Variants in RIMS2 observed in about 807,000 individuals in gnomAD.
RIMS2 encodes regulating synaptic membrane exocytosis 2.
Under a neutral mutation model 174.4 loss-of-function variants are expected in RIMS2, and 59 were observed. The observed-to-expected ratio is 0.34, with a 90% confidence interval of 0.27 to 0.42. The LOEUF is 0.42. Ranked by LOEUF, RIMS2 falls within the 10% of genes least tolerant of loss-of-function variation. RIMS2 has a pLI of 1.00. For synonymous variants in RIMS2, 606 were observed against 572.5 expected (o/e 1.06, Z -0.84); for missense variants, 1,620 against 1,666.3 (o/e 0.97, Z 0.48).
At chr8:104,182,381 T>C (rs1280712021) in intron 19 of RIMS2, among the ~76,000 whole-genome samples, 1 of 151,828 alleles carries the variant, frequency 6.6e-6, no homozygotes, top group Non-Finnish European at 1.5e-5. Context: ...TTTATTGAGA[T>C]TCATACAGCA....
chr8:103,868,845 T>A (rs891435033), intron 3 of RIMS2, among the ~76,000 whole-genome samples: 1 of 152,104 alleles, frequency 6.6e-6, no homozygotes, highest in African/African-American at 2.4e-5. Flanking sequence ...ACAAATGTAG[T>A]CCTATAGTGG....
At position 104,060,168 on chromosome 8, in the gene RIMS2, T is replaced by C. The variant is rs1260849523; in HGVS notation, c.3334+45553T>C. Among the ~76,000 whole-genome samples, 12 of 151,878 alleles carry C rather than the reference T, an allele frequency of 7.9e-5. No individual in the cohort carries two copies. The South Asian group carries it at 1.5e-3, about 19-fold the overall frequency. On this transcript the variant is annotated intron_variant, in intron 19 of 23. Coordinates refer to ENST00000504942, the Ensembl canonical transcript of RIMS2. ...TGGTATCAGTTCCTCCTTGTACCTC[T>C]GGTAGAATTCGGCTGTGAATCCATC...
intron 19 of RIMS2, among the ~76,000 whole-genome samples, chr8:104,134,441 G>A (rs2098501654): frequency 6.6e-6 from 1 of 152,212 alleles, no homozygotes; most frequent in African/African-American, 2.4e-5. Flanking sequence ...CTCCAGCCAG[G>A]GTGACAGAGC....
chr8:104,237,622 G>A (rs2099265393), intron 19 of RIMS2, among the ~76,000 whole-genome samples: 1 of 152,080 alleles, frequency 6.6e-6, no homozygotes, highest in Non-Finnish European at 1.5e-5. Context: ...GTAGCTACTA[G>A]ATATGTAACT....
chr8:104,209,847 G>C (rs1455156451), intron 19 of RIMS2, among the ~76,000 whole-genome samples: 1 of 152,146 alleles, frequency 6.6e-6, no homozygotes, highest in African/African-American at 2.4e-5. Flanking sequence ...AGTTAGACTT[G>C]AGTAGTAGAA....
chr8:103,552,041 C>CTTGTAT (rs1848187283), intron 1 of RIMS2, among the ~76,000 whole-genome samples: 1 of 152,016 alleles, frequency 6.6e-6, no homozygotes, highest in Non-Finnish European at 1.5e-5. Flanking sequence ...GTAATTTATA[C>CTTGTAT]ATTCAGTGGT....
At chr8:103,814,898 G>A (rs2098709752) in intron 3 of RIMS2, among the ~76,000 whole-genome samples, 1 of 152,092 alleles carries the variant, frequency 6.6e-6, no homozygotes, top group African/African-American at 2.4e-5. Flanking sequence ...CATTGCTAAT[G>A]ATATAGCTAA....
At chr8:103,818,682 A>C (rs909021547) in intron 3 of RIMS2, among the ~76,000 whole-genome samples, 1 of 152,158 alleles carries the variant, frequency 6.6e-6, no homozygotes, top group Admixed American at 6.6e-5. Flanking sequence ...TGTTTTTCTA[A>C]AATTATGTGA....
chr8:103,982,220 TC>T (rs1170072618), intron 16 of RIMS2, among the ~76,000 whole-genome samples: 1 of 151,392 alleles, frequency 6.6e-6, no homozygotes, highest in Admixed American at 6.6e-5. Context: ...GCTTAACAGA[TC>T]AATAACAAAT....
At chr8:103,701,782 C>A (rs770615380) in intron 2 of RIMS2, among the ~76,000 whole-genome samples, 1 of 151,960 alleles carries the variant, frequency 6.6e-6, no homozygotes, top group South Asian at 2.1e-4. Flanking sequence ...TTTTTAGGGC[C>A]GAATAATATT....
At chr8:104,175,212 GT>G (rs1347674137) in intron 19 of RIMS2, among the ~76,000 whole-genome samples, 3 of 150,918 alleles carry the variant, frequency 2.0e-5, no homozygotes, top group African/African-American at 7.3e-5. Flanking sequence ...TTTCCAACAA[GT>G]TTTTTTTTCA....
chr8:104,137,178 A>C (rs187912444), intron 19 of RIMS2, among the ~76,000 whole-genome samples: 3 of 152,318 alleles, frequency 2.0e-5, no homozygotes, highest in Admixed American at 2.0e-4. Context: ...CTTCAAGGCC[A>C]CAGACCATCT....
chr8:103,978,410 A>G (rs1434841941), intron 16 of RIMS2, among the ~76,000 whole-genome samples: 4 of 119,322 alleles, frequency 3.4e-5, no homozygotes, highest in African/African-American at 1.0e-4. Context: ...CATAAAGGAC[A>G]AAGAAATATA....
intron 19 of RIMS2, among the ~76,000 whole-genome samples, chr8:104,165,404 T>C (rs1468693720): frequency 1.3e-5 from 2 of 152,194 alleles, no homozygotes; most frequent in African/African-American, 4.8e-5. Flanking sequence ...ACTTCTTAGA[T>C]GTGTATTTAT....
chr8:103,948,482 C>G (rs2084390081), intron 14 of RIMS2, among the ~76,000 whole-genome samples: 1 of 152,080 alleles, frequency 6.6e-6, no homozygotes, highest in Non-Finnish European at 1.5e-5. Context: ...CAATTGATTT[C>G]TATATATAAC....
chr8:103,703,052 G>T (rs2097185840), intron 2 of RIMS2, among the ~76,000 whole-genome samples: 1 of 150,812 alleles, frequency 6.6e-6, no homozygotes, highest in Non-Finnish European at 1.5e-5. Flanking sequence ...AGCCGTCATG[G>T]CTCACTTCAG....
At chr8:103,609,716 A>G (rs1052429433) in intron 1 of RIMS2, among the ~76,000 whole-genome samples, 19 of 152,140 alleles carry the variant, frequency 1.2e-4, no homozygotes, top group Admixed American at 1.1e-3. Flanking sequence ...TAACCGTTCC[A>G]TGCTGTTTGA....
At chr8:104,245,970 C>CG (rs1172820020) in intron 20 of RIMS2, among the ~76,000 whole-genome samples, 1 of 151,926 alleles carries the variant, frequency 6.6e-6, no homozygotes. Flanking sequence ...GAGTTGAGGT[C>CG]GGGGGGAGAA....
chr8:104,189,483 C>T (rs2098986113), intron 19 of RIMS2, among the ~76,000 whole-genome samples: 1 of 151,122 alleles, frequency 6.6e-6, no homozygotes, highest in Non-Finnish European at 1.5e-5. Context: ...CCCTAGAGGT[C>T]CAAAAGAGTG....
Sources: allele counts gnomAD v4.1 joint callset (sites outside exome capture counted in the v4.1 genomes callset), GRCh38; gene constraint gnomAD v4.1.1; transcripts MANE v1.5; gene names NCBI Gene and HGNC (gene_info 2026-07-23, HGNC 2026-07-21).